PIK3CA: variants seen among roughly 807,000 people sequenced by gnomAD.
PIK3CA encodes phosphatidylinositol 4,5-bisphosphate 3-kinase catalytic subunit alpha isoform.
In PIK3CA, 27 loss-of-function variants were observed where a neutral mutation model predicts 138.2. That is an observed-to-expected ratio of 0.20 (90% confidence interval 0.14 to 0.27). The LOEUF (loss-of-function observed/expected upper bound fraction) is 0.27, where lower values mean the gene tolerates loss of function less well. Ranked by LOEUF, PIK3CA falls within the 10% of genes least tolerant of loss-of-function variation. The pLI, the probability that PIK3CA is intolerant of heterozygous loss-of-function variation, is 1.00. For missense variants in PIK3CA, 544 were observed against 1,277.4 expected, an observed-to-expected ratio of 0.43 and a Z score of 8.75; for synonymous variants, 358 against 413.2, an observed-to-expected ratio of 0.87 and a Z score of 1.62.
rs1259842641 is a variant in PIK3CA, at chr3:179,239,875, T to C, written c.*5511T>C. ...CTTTTAATGATGGCCCAGAAAGCATTTGACACAGCAAGATGCATGTGTTAC... is the reference window on the plus strand; with the variant it reads ...CTTTTAATGATGGCCCAGAAAGCATCTGACACAGCAAGATGCATGTGTTAC... On this transcript the variant is annotated 3_prime_UTR_variant, in exon 21 of 21. Coordinates refer to ENST00000263967, the MANE Select transcript of PIK3CA (RefSeq NM_006218.4). 4 of 594,380 alleles carry C rather than the reference T, an allele frequency of 6.7e-6. No homozygotes were observed. Among genetic ancestry groups the C allele is most frequent in the Non-Finnish European group, 1.2e-5 (4 of 345,704 alleles). 36.8% of individuals were successfully genotyped at this position (594,380 alleles called of 1,614,324 possible).
In PIK3CA at chr3:179,155,916, C is replaced by T. The variant is rs868053977; in HGVS notation, c.-77+7313C>T. On this transcript the variant is annotated intron_variant, in intron 1 of 20. Coordinates refer to ENST00000263967, the MANE Select transcript of PIK3CA (RefSeq NM_006218.4). ...AATCAGAAAACACGGTTTTTCCATT[C>T]ATCTATTAACTAGCTGTTTGGCCTA... is the stretch of plus-strand genomic sequence containing the variant. 6.6e-5 allele frequency among the ~76,000 whole-genome samples: 10 copies of T among 152,302 alleles called. No homozygotes were observed. The South Asian group carries it at 1.9e-3, about 28-fold the overall frequency.
intron 3 of PIK3CA, 44 bp downstream of exon 3, chr3:179,199,943 T>A: frequency 1.7e-6 from 2 of 1,200,468 alleles, no homozygotes; most frequent in Non-Finnish European, 2.5e-6. Flanking sequence ...TATAGTGCAG[T>A]CTTCTACCTG....
chr3:179,157,151 C>T (rs911923915), intron 1 of PIK3CA, among the ~76,000 whole-genome samples: 1 of 152,062 alleles, frequency 6.6e-6, no homozygotes, highest in Non-Finnish European at 1.5e-5. Flanking sequence ...ATTTTGGAAC[C>T]CTAACTTTTA....
intron 1 of PIK3CA, among the ~76,000 whole-genome samples, chr3:179,174,030 G>C (rs1320136362): frequency 6.6e-6 from 1 of 152,012 alleles, no homozygotes; most frequent in Admixed American, 6.5e-5. Flanking sequence ...GCCCGGCCCG[G>C]AAGTGTTTTA....
At chr3:179,202,827 T>C (rs1397195692) in intron 4 of PIK3CA, among the ~76,000 whole-genome samples, 1 of 152,172 alleles carries the variant, frequency 6.6e-6, no homozygotes, top group Non-Finnish European at 1.5e-5. Flanking sequence ...ACAGCAGCCT[T>C]TGGATGGGAC....
intron 1 of PIK3CA, among the ~76,000 whole-genome samples, chr3:179,155,532 T>G (rs1576911288): frequency 7.4e-6 from 1 of 134,658 alleles, no homozygotes; most frequent in East Asian, 2.1e-4. Flanking sequence ...CATATACAGA[T>G]TTTTTTTGGT....
chr3:179,201,654 G>A (rs1205083982), intron 4 of PIK3CA, 114 bp downstream of exon 4: 8 of 674,914 alleles, frequency 1.2e-5, no homozygotes, highest in African/African-American at 2.1e-5. Context: ...CGCCCAGGCT[G>A]GAGTGCAGTG....
At chr3:179,223,837 C>T (rs983804542) in intron 14 of PIK3CA, among the ~76,000 whole-genome samples, 1 of 152,156 alleles carries the variant, frequency 6.6e-6, no homozygotes, top group East Asian at 1.9e-4. Flanking sequence ...AAAGCATTGC[C>T]ACTATCACCA....
intron 4 of PIK3CA, among the ~76,000 whole-genome samples, 190 bp downstream of exon 4, chr3:179,201,730 C>T (rs533194494): frequency 8.1e-4 from 123 of 151,180 alleles, no homozygotes; most frequent in Non-Finnish European, 1.4e-3. Context: ...CTCAGCCTCC[C>T]GAGCAGCTGG....
intron 1 of PIK3CA, among the ~76,000 whole-genome samples, chr3:179,155,672 A>C (rs1487052487): frequency 6.6e-6 from 1 of 152,222 alleles, no homozygotes; most frequent in African/African-American, 2.4e-5. Flanking sequence ...ACCCCATTTT[A>C]TATAAGGGAC....
At chr3:179,205,212 T>C (rs1342363547) in intron 6 of PIK3CA, among the ~76,000 whole-genome samples, 2 of 151,810 alleles carry the variant, frequency 1.3e-5, no homozygotes, top group Non-Finnish European at 2.9e-5. Context: ...TCTCAAAATA[T>C]ATATATATTT....
chr3:179,200,190 C>T (rs1320063823), intron 3 of PIK3CA, among the ~76,000 whole-genome samples: 1 of 151,754 alleles, frequency 6.6e-6, no homozygotes, highest in African/African-American at 2.4e-5. Context: ...AGAATTAGAG[C>T]TGATTATCTT....
chr3:179,216,824 AAAAAT>A (rs1724846253), intron 9 of PIK3CA, among the ~76,000 whole-genome samples: 1 of 152,160 alleles, frequency 6.6e-6, no homozygotes, highest in African/African-American at 2.4e-5. Flanking sequence ...GTAAACAAAT[AAAAAT>A]AAGTAAATAA....
intron 1 of PIK3CA, among the ~76,000 whole-genome samples, chr3:179,170,603 G>T (rs904020871): frequency 1.3e-5 from 2 of 152,132 alleles, no homozygotes; most frequent in African/African-American, 4.8e-5. Flanking sequence ...GAGGAGGTTG[G>T]ATGATTTCCT....
At chr3:179,149,309 A>G (rs1333385223) in intron 1 of PIK3CA, among the ~76,000 whole-genome samples, 2 of 152,068 alleles carry the variant, frequency 1.3e-5, no homozygotes, top group Non-Finnish European at 2.9e-5. Context: ...CATGGCTCTT[A>G]AGTGGCTCGG....
chr3:179,236,952 G>A lies in PIK3CA; in HGVS notation c.*2588G>A. 1 of 202,274 alleles carries A rather than the reference G, an allele frequency of 4.9e-6. No individual in the cohort carries two copies. Among genetic ancestry groups the A allele is most frequent in the Non-Finnish European group, 1.0e-5 (1 of 98,444 alleles). The allele number at this position is 202,274 out of a possible 1,614,324, so 12.5% of individuals were successfully genotyped here. A position where few individuals can be genotyped will look rare whatever the true frequency, so the allele number is the denominator to read the frequency against. ...TTCCTATCTATAGCTGACTATCCTTGTCCTTGAATATGGTGTAACTGACTA... is the reference window on the plus strand; with the variant it reads ...TTCCTATCTATAGCTGACTATCCTTATCCTTGAATATGGTGTAACTGACTA... On this transcript the variant is annotated 3_prime_UTR_variant, in exon 21 of 21. Coordinates refer to ENST00000263967, the MANE Select transcript of PIK3CA (RefSeq NM_006218.4).
intron 1 of PIK3CA, among the ~76,000 whole-genome samples, chr3:179,165,507 T>G (rs1325437711): frequency 6.6e-6 from 1 of 152,078 alleles, no homozygotes; most frequent in Non-Finnish European, 1.5e-5. Context: ...TCCTCCCACC[T>G]CCACCTCCCA....
rs1724476312 is a variant in PIK3CA, at chr3:179,203,544, T to C, written c.814T>C (p.Tyr272His). ...LEKYPLSQYK[Y>H]IRSCIMLGRM... ...GGCTCGCCCCCTTAATCTCTTACAG[T>C]ATATAAGAAGCTGTATAATGCTTGG... The change falls in exon 5 of 21, where the codon TAT (tyrosine) becomes CAT (histidine). Residue 272 changes from tyrosine (Y) to histidine (H), a missense_variant and splice_region_variant. Tyr to His is a moderately conservative substitution (Grantham distance 83, BLOSUM62 2). Coordinates refer to ENST00000263967, the MANE Select transcript of PIK3CA (RefSeq NM_006218.4). 1.2e-6 allele frequency: 2 copies of C among 1,612,306 alleles called. No individual in the cohort carries two copies. The highest frequency in any genetic ancestry group is 3.3e-5 in the Admixed American group (2 of 59,728).
intron 1 of PIK3CA, among the ~76,000 whole-genome samples, chr3:179,161,762 G>A (rs1576914337): frequency 6.6e-6 from 1 of 152,142 alleles, no homozygotes; most frequent in African/African-American, 2.4e-5. Context: ...GTTTTGAGAT[G>A]CTTGTAATTC....
Sources: allele counts gnomAD v4.1 joint callset (sites outside exome capture counted in the v4.1 genomes callset), GRCh38; gene constraint gnomAD v4.1.1; transcripts MANE v1.5; gene names NCBI Gene and HGNC (gene_info 2026-07-23, HGNC 2026-07-21).